PPM1E: variants seen among roughly 807,000 people sequenced by gnomAD.
PPM1E encodes the protein protein phosphatase 1E.
In PPM1E, 20 loss-of-function variants were observed where a neutral mutation model predicts 65.9. The ratio of observed to expected loss-of-function variants is 0.30; its 90% CI spans 0.21 to 0.44. The LOEUF is 0.44. PPM1E is among the 20% of genes least tolerant of loss of function. The pLI is 1.00. For missense variants in PPM1E, 713 were observed against 953.1 expected, an observed-to-expected ratio of 0.75 and a Z score of 3.32; for synonymous variants, 352 against 374.9, an observed-to-expected ratio of 0.94 and a Z score of 0.70.
At chr17:58,889,535 G>A (rs1253015337) in intron 1 of PPM1E, among the ~76,000 whole-genome samples, 1 of 152,158 alleles carries the variant, frequency 6.6e-6, no homozygotes, top group African/African-American at 2.4e-5. Context: ...GGAGGCGGAG[G>A]TTGCAGTGAG....
At chr17:58,889,548 G>A (rs1355911123) in intron 1 of PPM1E, among the ~76,000 whole-genome samples, 3 of 152,096 alleles carry the variant, frequency 2.0e-5, no homozygotes, top group Non-Finnish European at 4.4e-5. Flanking sequence ...GCAGTGAGCC[G>A]AGACCGTGCC....
At chr17:58,862,986 A>G (rs2050958814) in intron 1 of PPM1E, among the ~76,000 whole-genome samples, 1 of 152,202 alleles carries the variant, frequency 6.6e-6, no homozygotes, top group Admixed American at 6.5e-5. Flanking sequence ...TTGCTTATTC[A>G]AATACACTTA....
At chr17:58,774,153 ACT>A (rs2049968684) in intron 1 of PPM1E, among the ~76,000 whole-genome samples, 1 of 148,546 alleles carries the variant, frequency 6.7e-6, no homozygotes, top group African/African-American at 2.5e-5. Flanking sequence ...CAAGAGGGAA[ACT>A]CTGTCCCCCC....
chr17:58,758,273 G>A (rs1439694807), intron 1 of PPM1E, among the ~76,000 whole-genome samples: 1 of 151,922 alleles, frequency 6.6e-6, no homozygotes, highest in African/African-American at 2.4e-5. Flanking sequence ...GCTCACTCCC[G>A]TAATCCCAGC....
At chr17:58,831,511 A>G (rs1299510345) in intron 1 of PPM1E, among the ~76,000 whole-genome samples, 1 of 152,180 alleles carries the variant, frequency 6.6e-6, no homozygotes, top group Non-Finnish European at 1.5e-5. Flanking sequence ...CTCTCCTGCC[A>G]TGTGAGGGAG....
intron 1 of PPM1E, among the ~76,000 whole-genome samples, chr17:58,766,350 G>C (rs952232855): frequency 6.6e-6 from 1 of 150,472 alleles, no homozygotes; most frequent in Admixed American, 6.7e-5. Context: ...TACAGGTGCG[G>C]GCCACCACAC....
intron 1 of PPM1E, among the ~76,000 whole-genome samples, chr17:58,864,149 CA>C (rs1020648063): frequency 2.5e-4 from 35 of 142,620 alleles, no homozygotes; most frequent in Middle Eastern, 3.6e-3. Flanking sequence ...GACCCTGTCT[CA>C]AAAAAAAAAA....
chr17:58,847,741 C>A (rs918409109), intron 1 of PPM1E, among the ~76,000 whole-genome samples: 16 of 152,132 alleles, frequency 1.1e-4, no homozygotes, highest in African/African-American at 3.6e-4. Context: ...TTAGGATTGT[C>A]TTGGCAATGC....
intron 1 of PPM1E, among the ~76,000 whole-genome samples, chr17:58,783,493 T>G (rs192545623): frequency 6.6e-6 from 1 of 152,338 alleles, no homozygotes; most frequent in South Asian, 2.1e-4. Flanking sequence ...GGACTTGGCA[T>G]GTATCCAGAT....
At chr17:58,958,780 T>C (rs1181286059) in intron 2 of PPM1E, among the ~76,000 whole-genome samples, 3 of 151,844 alleles carry the variant, frequency 2.0e-5, no homozygotes, top group Admixed American at 6.6e-5. Flanking sequence ...TTTTTTATTA[T>C]ATAGTTATTT....
At chr17:58,810,983 G>A (rs1484901049) in intron 1 of PPM1E, among the ~76,000 whole-genome samples, 1 of 151,956 alleles carries the variant, frequency 6.6e-6, no homozygotes, top group Admixed American at 6.6e-5. Flanking sequence ...TCAGCCTCCC[G>A]AGTAGGTGGG....
At chr17:58,812,206 A>G (rs1367197586) in intron 1 of PPM1E, among the ~76,000 whole-genome samples, 1 of 147,556 alleles carries the variant, frequency 6.8e-6, no homozygotes, top group Non-Finnish European at 1.5e-5. Context: ...AGGGAGGCTG[A>G]GGCAGGAGAA....
In PPM1E at chr17:58,805,971, AAACAAAAAAAAAACAAAACAAAAC is replaced by A. The variant is rs1195466038; in HGVS notation, c.464+49513_464+49536del. On this transcript the variant is annotated intron_variant, in intron 1 of 6. Transcript: ENST00000308249. Reference sequence around the variant, plus strand: ...TGCTAAAAAAAAAAACAAAAAAAAAAAACAAAAAAAAAACAAAACAAAACAAAACAAAAAAAAAACTATATGTAG... The same window carrying A: ...TGCTAAAAAAAAAAACAAAAAAAAAAAAAACAAAAAAAAAACTATATGTAG... 2.3e-4 allele frequency among the ~76,000 whole-genome samples: 27 copies of A among 118,980 alleles called. 1 individual carries two copies. The highest frequency in any genetic ancestry group is 8.6e-4 in the Admixed American group (11 of 12,730). 78.1% of individuals were successfully genotyped at this position (118,980 alleles called of 152,430 possible). A position where few individuals can be genotyped will look rare whatever the true frequency, so the allele number is the denominator to read the frequency against.
At chr17:58,850,772 A>G (rs1187383954) in intron 1 of PPM1E, among the ~76,000 whole-genome samples, 1 of 152,070 alleles carries the variant, frequency 6.6e-6, no homozygotes, top group Non-Finnish European at 1.5e-5. Context: ...TGCTCTTCTC[A>G]AGGAGTATCT....
chr17:58,801,271 G>T (rs140826878), intron 1 of PPM1E, among the ~76,000 whole-genome samples: 1 of 152,120 alleles, frequency 6.6e-6, no homozygotes, highest in African/African-American at 2.4e-5. Context: ...TTGTAATTTA[G>T]TCCACTTTTT....
intron 1 of PPM1E, among the ~76,000 whole-genome samples, chr17:58,812,064 C>A (rs1259350749): frequency 6.6e-6 from 1 of 151,782 alleles, no homozygotes; most frequent in Non-Finnish European, 1.5e-5. Context: ...TCATTAAATC[C>A]TGAAAGATAA....
chr17:58,783,406 T>C (rs944876022), intron 1 of PPM1E, among the ~76,000 whole-genome samples: 2 of 152,250 alleles, frequency 1.3e-5, no homozygotes, highest in Non-Finnish European at 2.9e-5. Flanking sequence ...ATAAACTTAA[T>C]TGTGAATCAG....
At chr17:58,833,917 A>G (rs1167908926) in intron 1 of PPM1E, among the ~76,000 whole-genome samples, 1 of 152,128 alleles carries the variant, frequency 6.6e-6, no homozygotes, top group Non-Finnish European at 1.5e-5. Flanking sequence ...TGACTTTATA[A>G]TAATAGCCAT....
chr17:58,756,374 C>G lies in PPM1E; in HGVS notation c.377C>G (p.Pro126Arg). 2 of 1,374,174 alleles carry G rather than the reference C, an allele frequency of 1.5e-6. No individual in the cohort carries two copies. Among genetic ancestry groups the G allele is most frequent in the Non-Finnish European group, 1.9e-6 (2 of 1,065,786 alleles). 85.1% of individuals were successfully genotyped at this position (1,374,174 alleles called of 1,614,324 possible). A position where few individuals can be genotyped will look rare whatever the true frequency, so the allele number is the denominator to read the frequency against. The change falls in exon 1 of 7, where the codon CCG (proline) becomes CGG (arginine). Residue 126 changes from proline to arginine, a missense_variant. Pro to Arg is a moderately radical substitution (Grantham distance 103). This residue lies in a region of PPM1E where 212 missense variants were observed against 204.0 expected (regional missense o/e 1.04). Transcript: ENST00000308249. ...PPPPQLPPLPPLPRPLSERIT... is the reference protein window; with the variant it reads ...PPPPQLPPLPRLPRPLSERIT... ...CCGCCCCAGCTGCCGCCTTTGCCCC[C>G]GCTCCCGCGACCGCTGTCAGAGCGC...
Sources: gnomAD v4.1 joint callset for allele counts (sites outside exome capture counted in the v4.1 genomes callset) on GRCh38, gnomAD v4.1.1 for gene constraint, gnomAD v4.1.1 regional missense constraint, MANE v1.5 for transcripts, NCBI Gene and HGNC (gene_info 2026-07-23, HGNC 2026-07-21) for gene names.